CARM1: variants seen among roughly 807,000 people sequenced by gnomAD.
The protein encoded by CARM1 is histone-arginine methyltransferase CARM1.
Under a neutral mutation model 72.7 loss-of-function variants are expected in CARM1, and 14 were observed. That is an observed-to-expected ratio of 0.19 (90% CI 0.13 to 0.30). CARM1 has a LOEUF of 0.30. Among genes scored for constraint, CARM1 ranks in the 10% least tolerant of loss-of-function variants. The pLI is 1.00. For missense variants in CARM1, 432 were observed against 833.7 expected (o/e 0.52, Z 5.93); for synonymous variants, 333 against 345.5 (o/e 0.96, Z 0.40).
chr19:10,921,185 C>A, intron 14 of CARM1, 58 bp downstream of exon 14: 1 of 1,548,938 alleles, frequency 6.5e-7, no homozygotes, highest in Non-Finnish European at 8.9e-7. Flanking sequence ...TGCCCAGGGG[C>A]CGGGAAGGGC....
rs75002296 is a variant in CARM1, at chr19:10,877,395, C to T, written c.220+5473C>T. Among the ~76,000 whole-genome samples the T allele has an allele frequency of 3.0e-4, 45 of 152,274 alleles. No individual in the cohort carries two copies. In the East Asian group the frequency reaches 6.7e-3, roughly 23 times the overall value. On this transcript the variant is annotated intron_variant, in intron 1 of 15. Coordinates refer to ENST00000327064, the MANE Select transcript of CARM1 (RefSeq NM_199141.2). ...TGATATAAATTAGGCCTATGGGCCA[C>T]ATTGAGCCTGTGGCCTATTTTTATC...
intron 9 of CARM1, 75 bp downstream of exon 9, chr19:10,919,755 C>G: frequency 6.6e-7 from 1 of 1,516,872 alleles, no homozygotes; most frequent in Admixed American, 1.8e-5. Context: ...CTCCCGCCGG[C>G]ATCCTGCCGT....
chr19:10,871,980 G>GGGCGGGGGCC lies in CARM1; in HGVS notation c.220+66_220+75dup. On this transcript the variant is annotated intron_variant, in intron 1 of 15. Coordinates refer to ENST00000327064, the MANE Select transcript of CARM1 (RefSeq NM_199141.2). This position sits in a 1 kb window ranked among gnomAD's most constrained non-coding sequence, Gnocchi z 5.6. ...CGGGGCTGCTCACGAGGCCGGCCCG[G>GGGCGGGGGCC]GGCGGGGGCCGGCGGGGAGGGGCCC... is the stretch of plus-strand genomic sequence containing the variant. 2 of 1,157,620 alleles carry GGGCGGGGGCC rather than the reference G, an allele frequency of 1.7e-6. No homozygotes were observed. The highest frequency in any genetic ancestry group is 2.1e-6 in the Non-Finnish European group (2 of 938,386). 71.7% of individuals were successfully genotyped at this position (1,157,620 alleles called of 1,614,324 possible).
At chr19:10,876,506 CGT>C (rs1337823344) in intron 1 of CARM1, among the ~76,000 whole-genome samples, 1 of 152,184 alleles carries the variant, frequency 6.6e-6, no homozygotes, top group Non-Finnish European at 1.5e-5. Context: ...AGGAGAGGCA[CGT>C]GGGGAGGACT....
At chr19:10,899,823 C>T (rs181451025) in intron 1 of CARM1, among the ~76,000 whole-genome samples, 2 of 151,608 alleles carry the variant, frequency 1.3e-5, no homozygotes, top group Admixed American at 6.6e-5. Context: ...CGGGTTCAAG[C>T]GATTCTCCTG....
intron 6 of CARM1, among the ~76,000 whole-genome samples, chr19:10,914,900 G>C (rs1184671404): frequency 3.9e-5 from 6 of 152,230 alleles, no homozygotes; most frequent in Admixed American, 1.3e-4. Context: ...GGTCTGTGCA[G>C]CCCTGACGCC....
chr19:10,881,960 A>G (rs2073905185), intron 1 of CARM1, among the ~76,000 whole-genome samples: 1 of 151,968 alleles, frequency 6.6e-6, no homozygotes, highest in Non-Finnish European at 1.5e-5. Context: ...ACTTAAAACA[A>G]GCTGAGGGGC....
At chr19:10,898,100 C>T (rs1028446644) in intron 1 of CARM1, among the ~76,000 whole-genome samples, 5 of 145,496 alleles carry the variant, frequency 3.4e-5, no homozygotes, top group Non-Finnish European at 6.0e-5. Context: ...AGCGAGACTC[C>T]GTCTCAAAAA....
chr19:10,915,002 G>T lies in CARM1; in HGVS notation c.847+948G>T, dbSNP rs2074183966. On this transcript the variant is annotated intron_variant, in intron 6 of 15. Coordinates refer to ENST00000327064, the MANE Select transcript of CARM1 (RefSeq NM_199141.2). The surrounding 1 kb of genome is among the most constrained non-coding windows in gnomAD (Gnocchi z 4.6). ...AGCAGCTGTGTGTGCGTGTGGCAGG[G>T]TACAGGTCCCCAGCCAGGGTAGCAG... 6.6e-6 allele frequency among the ~76,000 whole-genome samples: 1 copy of T among 152,212 alleles called. No homozygotes were observed. The highest frequency in any genetic ancestry group is 1.9e-4 in the East Asian group (1 of 5,192).
intron 1 of CARM1, among the ~76,000 whole-genome samples, chr19:10,900,212 T>C (rs2074054006): frequency 6.6e-6 from 1 of 152,152 alleles, no homozygotes; most frequent in Non-Finnish European, 1.5e-5. Flanking sequence ...CCCGGGAGGC[T>C]GAGGTGGGAG....
At chr19:10,890,793 ATATTTTT>A (rs1291301454) in intron 1 of CARM1, among the ~76,000 whole-genome samples, 7 of 83,784 alleles carry the variant, frequency 8.4e-5, no homozygotes, top group Admixed American at 3.1e-4. Flanking sequence ...ATATATATAT[ATATTTTT>A]TTTTTTTTTT....
chr19:10,909,159 C>T lies in CARM1; in HGVS notation c.510C>T (p.Gly170=), dbSNP rs775545309. 1.2e-6 allele frequency: 2 copies of T among 1,613,746 alleles called. No homozygotes were observed. The highest frequency in any genetic ancestry group is 1.3e-5 in the African/African-American group (1 of 74,930). ...QNMMQDYVRT[G]TYQRAILQNH... is the part of the protein sequence containing the mutation. ...TGATGCAGGACTACGTGCGGACAGG[C>T]ACCTACCAGCGCGCCATCCTGCAAA... Residue 170 remains glycine, a synonymous_variant, in exon 4 of 16, where the codon GGC becomes GGT. Transcript: ENST00000327064.
At chr19:10,895,775 C>T (rs1012407879) in intron 1 of CARM1, among the ~76,000 whole-genome samples, 1 of 152,158 alleles carries the variant, frequency 6.6e-6, no homozygotes, top group South Asian at 2.1e-4. Flanking sequence ...TGGGTCATGC[C>T]CAGAGCCCTG....
At chr19:10,909,054 T>C (rs1434928508) in intron 3 of CARM1, 49 bp from the exon 4 acceptor site, 2 of 1,440,500 alleles carry the variant, frequency 1.4e-6, no homozygotes, top group Non-Finnish European at 9.8e-7. Flanking sequence ...GGGCCTTGGC[T>C]GCCTCGTGCC....
At chr19:10,906,400 A>G (rs1350619886) in intron 2 of CARM1, among the ~76,000 whole-genome samples, 1 of 152,238 alleles carries the variant, frequency 6.6e-6, no homozygotes, top group Admixed American at 6.5e-5. Context: ...GCACATTAAC[A>G]TTGTTGTGCA....
chr19:10,916,675 G>C lies in CARM1; in HGVS notation c.939-21G>C. 1 of 1,566,610 alleles carries C rather than the reference G, an allele frequency of 6.4e-7. No homozygotes were observed. Among genetic ancestry groups the C allele is most frequent in the South Asian group, 1.2e-5 (1 of 85,630 alleles). ...TCTTCTGCAGCCCTGACCTTGCTGT[G>C]GGGGTGGGGCCTGTCCACAGGTACC... On this transcript the variant is annotated intron_variant, in intron 7 of 15. Transcript: ENST00000327064. This position sits in a 1 kb window ranked among gnomAD's most constrained non-coding sequence, Gnocchi z 4.4.
chr19:10,874,153 C>T (rs2073844490), intron 1 of CARM1, among the ~76,000 whole-genome samples: 1 of 152,048 alleles, frequency 6.6e-6, no homozygotes, highest in African/African-American at 2.4e-5. Context: ...TTCACTATGT[C>T]ACTGTGTTGC....
chr19:10,875,158 T>C (rs922632772), intron 1 of CARM1, among the ~76,000 whole-genome samples: 2 of 152,178 alleles, frequency 1.3e-5, no homozygotes, highest in African/African-American at 4.8e-5. Context: ...TCTCAGTTCA[T>C]GGTCAGAAGT....
chr19:10,908,133 GC>G lies in CARM1; in HGVS notation c.442del (p.Gln148SerfsTer15). On this transcript the variant is annotated frameshift_variant, in exon 3 of 16. Transcript: ENST00000327064. LOFTEE classifies it high-confidence loss of function. ...SERTEESSAV[Q>X]YFQFYGYLSQ... ...AGCGGACGGAGGAGTCTTCTGCCGTGCAGTACTTCCAGGTGGGTTGTACTCC... is the reference window on the plus strand; with the variant it reads ...AGCGGACGGAGGAGTCTTCTGCCGTGAGTACTTCCAGGTGGGTTGTACTCC... 1 of 1,612,678 alleles carries G rather than the reference GC, an allele frequency of 6.2e-7. No individual in the cohort carries two copies. The highest frequency in any genetic ancestry group is 8.5e-7 in the Non-Finnish European group (1 of 1,178,748).
Sources: allele counts gnomAD v4.1 joint callset (sites outside exome capture counted in the v4.1 genomes callset), GRCh38; gene constraint gnomAD v4.1.1; non-coding constraint Gnocchi (gnomAD v3.1); transcripts MANE v1.5; gene names NCBI Gene and HGNC (gene_info 2026-07-23, HGNC 2026-07-21).